Variants in SYNE1 observed in about 807,000 individuals in gnomAD.
The protein encoded by SYNE1 is spectrin repeat containing nuclear envelope protein 1, also known as nesprin-1.
Under a neutral mutation model 1,111.0 loss-of-function variants are expected in SYNE1, and 616 were observed. The ratio of observed to expected loss-of-function variants is 0.55; its 90% CI spans 0.52 to 0.59. The LOEUF (loss-of-function observed/expected upper bound fraction) is 0.59, where lower values mean the gene tolerates loss of function less well. SYNE1 is among the 20% of genes least tolerant of loss of function. SYNE1 has a pLI of 0.00. For synonymous variants in SYNE1, 3,855 were observed against 3,825.8 expected (o/e 1.01, Z -0.28); for missense variants, 10,006 against 10,417.0 (o/e 0.96, Z 1.72).
At chr6:152,132,032 CT>C (rs2055865827) in intron 144 of SYNE1, 89 bp downstream of exon 144, 9 of 1,243,386 alleles carry the variant, frequency 7.2e-6, no homozygotes, top group Non-Finnish European at 1.1e-5. Context: ...GAGGGGACGC[CT>C]GCCTGTGAAC....
chr6:152,609,592 C>T (rs2099625527), intron 3 of SYNE1, among the ~76,000 whole-genome samples: 1 of 152,170 alleles, frequency 6.6e-6, no homozygotes, highest in African/African-American at 2.4e-5. Context: ...TTAAATGTCC[C>T]TGTCTAACAG....
At chr6:152,157,823 A>T (rs2061675227) in intron 131 of SYNE1, among the ~76,000 whole-genome samples, 1 of 149,068 alleles carries the variant, frequency 6.7e-6, no homozygotes, top group African/African-American at 2.5e-5. Context: ...CAGTGGCATG[A>T]TCTCAGATCA....
chr6:152,544,063 TAAC>T (rs1184420918), intron 3 of SYNE1, among the ~76,000 whole-genome samples: 1 of 152,234 alleles, frequency 6.6e-6, no homozygotes, highest in East Asian at 1.9e-4. Context: ...ATTTAACAAG[TAAC>T]AACTTTATTA....
Position 152,122,585 on chromosome 6 carries a change from G to T in SYNE1, c.26245C>A (p.Leu8749Ile). 1 of 1,614,218 alleles carries T rather than the reference G, an allele frequency of 6.2e-7. No individual in the cohort carries two copies. The highest frequency in any genetic ancestry group is 8.5e-7 in the Non-Finnish European group (1 of 1,180,042). Reference sequence around the variant, plus strand: ...AGGAGCAGGAGAAGCTGAAGGGGAAGAGCTGCTCGGAGGACTCTGAACAGG... The same window carrying T: ...AGGAGCAGGAGAAGCTGAAGGGGAATAGCTGCTCGGAGGACTCTGAACAGG... The part of the protein sequence containing the change: ...GFLFRVLRAA[L>I]PLQLLLLLLI... The change falls in exon 146 of 146, where the codon CTT becomes ATT. Residue 8749 changes from leucine to isoleucine, a missense_variant. Physicochemically the swap from Leu to Ile is conservative, Grantham distance 5 (BLOSUM62 2). Transcript: ENST00000367255.
At chr6:152,474,458 A>G (rs1163607087) in intron 14 of SYNE1, among the ~76,000 whole-genome samples, 3 of 152,188 alleles carry the variant, frequency 2.0e-5, no homozygotes, top group African/African-American at 7.2e-5. Context: ...TGAGTCTTAC[A>G]ATGTGAACAG....
intron 140 of SYNE1, among the ~76,000 whole-genome samples, chr6:152,137,766 A>C (rs2057398833): frequency 6.6e-6 from 1 of 152,200 alleles, no homozygotes. Context: ...ATAGGTTCTT[A>C]ACATACTGTA....
intron 3 of SYNE1, among the ~76,000 whole-genome samples, chr6:152,557,899 A>AG (rs34883932): frequency 0.57 from 87,217 of 151,942 alleles, 25,287 homozygotes; most frequent in East Asian, 0.65. Context: ...TAAAGGTAAC[A>AG]TATAGTCAAA....
intron 140 of SYNE1, among the ~76,000 whole-genome samples, chr6:152,139,076 C>G (rs2057785769): frequency 6.6e-6 from 1 of 152,188 alleles, no homozygotes; most frequent in Non-Finnish European, 1.5e-5. Context: ...GAGAGGATTT[C>G]TCTCCAGCTC....
intron 98 of SYNE1, among the ~76,000 whole-genome samples, chr6:152,274,068 C>T (rs1339668418): frequency 6.6e-6 from 1 of 152,196 alleles, no homozygotes; most frequent in East Asian, 1.9e-4. Flanking sequence ...GAGATCACCA[C>T]TGAAAATAGA....
At chr6:152,580,748 C>T (rs1487295929) in intron 3 of SYNE1, among the ~76,000 whole-genome samples, 1 of 152,102 alleles carries the variant, frequency 6.6e-6, no homozygotes. Flanking sequence ...GTATTTAAGT[C>T]TTCTAGCTGA....
intron 64 of SYNE1, among the ~76,000 whole-genome samples, chr6:152,361,067 G>T (rs111950982): frequency 2.0e-4 from 31 of 152,350 alleles, no homozygotes; most frequent in African/African-American, 6.5e-4. Context: ...TAGCTAAAAT[G>T]ACTTCAAAAT....
chr6:152,351,170 C>A (rs763221858), intron 70 of SYNE1, among the ~76,000 whole-genome samples: 22 of 152,206 alleles, frequency 1.4e-4, no homozygotes, highest in Non-Finnish European at 2.8e-4. Flanking sequence ...TTAGAAAGAA[C>A]AATTCCAGTT....
At position 152,310,008 on chromosome 6, in the gene SYNE1, A is replaced by G. The variant is rs373679435; in HGVS notation, c.17029T>C (p.Ser5677Pro). 8.7e-6 allele frequency: 14 copies of G among 1,613,752 alleles called. No individual in the cohort carries two copies. The highest frequency in any genetic ancestry group is 8.0e-5 in the African/African-American group (6 of 74,936). ...TTCGGCTTCAGTGACTCCATCTCAG[A>G]CAACAAATGCTGAAAATGCAATTTC... ...EQLSHRQHLL[S>P]EMESLKPKVQ... is the part of the protein sequence containing the mutation. Residue 5677 changes from serine (S) to proline (P), a missense_variant, in exon 90 of 146, where the codon TCT (serine) becomes CCT (proline). This residue lies in a region of SYNE1 where 4,955 missense variants were observed against 5,017.2 expected (regional missense o/e 0.99). Coordinates refer to ENST00000367255, the MANE Select transcript of SYNE1 (RefSeq NM_182961.4).
chr6:152,566,476 G>A (rs961597792), intron 3 of SYNE1, among the ~76,000 whole-genome samples: 1 of 151,826 alleles, frequency 6.6e-6, no homozygotes, highest in Admixed American at 6.6e-5. Flanking sequence ...AGGGGACACA[G>A]GAAGATCCAA....
intron 8 of SYNE1, among the ~76,000 whole-genome samples, chr6:152,509,854 G>C (rs572386080): frequency 6.6e-6 from 1 of 152,246 alleles, no homozygotes; most frequent in South Asian, 2.1e-4. Context: ...TAAACTTCAA[G>C]TTTATTTATA....
Position 152,528,459 on chromosome 6 carries a change from G to A in SYNE1, c.130-2284C>T, listed in dbSNP as rs186502155. On this transcript the variant is annotated intron_variant, in intron 4 of 145. Transcript: ENST00000367255. ...TATATACCAAACAATCAGTTAGGGG[G>A]ACCTTTACTATGATGACTACCTCAC... 3.3e-3 allele frequency among the ~76,000 whole-genome samples: 499 copies of A among 152,276 alleles called. 5 individuals carry two copies. Among genetic ancestry groups the A allele is most frequent in the African/African-American group, 0.01 (434 of 41,560 alleles).
chr6:152,249,016 T>C (rs980904158), intron 105 of SYNE1, 145 bp downstream of exon 105: 37 of 685,124 alleles, frequency 5.4e-5, no homozygotes, highest in Non-Finnish European at 9.0e-5. Flanking sequence ...TGGTATGTTA[T>C]TCAAACCCAG....
rs971331254 is a variant in SYNE1, at chr6:152,427,765, A to T, written c.5028T>A (p.Ala1676=). The T allele has an allele frequency of 3.7e-6, 6 of 1,614,074 alleles. No homozygotes were observed. The highest frequency in any genetic ancestry group is 5.1e-6 in the Non-Finnish European group (6 of 1,180,026). ...TGTCCATTTCTGGGGAACTGGCTTT[A>T]GCTTCACCCCGCTCTAACCAGGTCA... is the stretch of plus-strand genomic sequence containing the variant. The part of the protein sequence containing the change: ...SFLTWLERGE[A]KASSPEMDIS... Residue 1676 remains alanine, a synonymous_variant, in exon 38 of 146, where the codon GCT becomes GCA. Transcript: ENST00000367255.
At chr6:152,420,110 A>G (rs888380967) in intron 39 of SYNE1, among the ~76,000 whole-genome samples, 2 of 152,036 alleles carry the variant, frequency 1.3e-5, no homozygotes, top group Non-Finnish European at 2.9e-5. Flanking sequence ...AGAAGTAACC[A>G]AAGTTTTTAA....
Sources: gnomAD v4.1 joint callset for allele counts (sites outside exome capture counted in the v4.1 genomes callset) on GRCh38, gnomAD v4.1.1 for gene constraint, gnomAD v4.1.1 regional missense constraint, MANE v1.5 for transcripts, NCBI Gene and HGNC (gene_info 2026-07-23, HGNC 2026-07-21) for gene names.